The following NNAT variants were observed in gnomAD, a reference collection of about 807,000 sequenced individuals.
NNAT encodes neuronatin.
In NNAT, 8 loss-of-function variants were observed where a neutral mutation model predicts 12.7. The observed-to-expected ratio is 0.63, with a 90% confidence interval of 0.37 to 1.14. The LOEUF is 1.14. Ranked by LOEUF, NNAT falls within the 50% of genes most tolerant of loss-of-function variation. The probability of loss-of-function intolerance (pLI) is 0.01; values close to 1 mark genes in which losing one functional copy is unlikely to be tolerated. For synonymous variants in NNAT, 52 were observed against 48.5 expected, an observed-to-expected ratio of 1.07 and a Z score of -0.30; for missense variants, 94 against 108.3, an observed-to-expected ratio of 0.87 and a Z score of 0.59.
At position 37,522,449 on chromosome 20, in the gene NNAT, G is replaced by T. The variant is rs752215276; in HGVS notation, c.153+11G>T. ...ATTGCGAGAAGTGAGGTATACCTAA[G>T]TTGTGGGTCCAATCAGCTTGCCGCC... is the stretch of plus-strand genomic sequence containing the variant. On this transcript the variant is annotated intron_variant, in intron 2 of 2. Transcript: ENST00000649451. 40 of 1,612,046 alleles carry T rather than the reference G, an allele frequency of 2.5e-5. No individual in the cohort carries two copies. The highest frequency in any genetic ancestry group is 3.1e-5 in the Non-Finnish European group (37 of 1,178,738).
chr20:37,522,198 T>TAA (rs5841264), intron 1 of NNAT, among the ~76,000 whole-genome samples, 160 bp from the exon 2 acceptor site: 3,456 of 144,928 alleles, frequency 0.024, 126 homozygotes, highest in African/African-American at 0.078. Context: ...AAAATAATAA[T>TAA]AAAAAAAATA....
chr20:37,522,598 G>GGGGGGGGGGGGGGGGCCC, intron 2 of NNAT, 69 bp from the exon 3 acceptor site: 2 of 864,288 alleles, frequency 2.3e-6, no homozygotes, highest in African/African-American at 1.8e-5. Context: ...GCGGGGGTGG[G>GGGGGGGGGGGGGGGGCCC]CACGGCAGCA....
rs768932833 is a variant in NNAT at position 37,522,653 on chromosome 20, G to C, written c.154-14G>C. ...GCTCTCCACTAAGGGTGGGTCCTGGGTTTCTCGTCGCAGGTGTTCAGGTAC... is the reference window on the plus strand; with the variant it reads ...GCTCTCCACTAAGGGTGGGTCCTGGCTTTCTCGTCGCAGGTGTTCAGGTAC... On this transcript the variant is annotated splice_polypyrimidine_tract_variant and intron_variant, in intron 2 of 2. Transcript: ENST00000649451. The C allele has an allele frequency of 1.2e-6, 2 of 1,606,318 alleles. No individual in the cohort carries two copies. The highest frequency in any genetic ancestry group is 2.2e-5 in the East Asian group (1 of 44,466).
rs2071560805 is a variant in NNAT at position 37,521,340 on chromosome 20, A to G, written c.9A>G (p.Ala3=). 1.2e-6 allele frequency: 2 copies of G among 1,614,038 alleles called. No homozygotes were observed. Among genetic ancestry groups the G allele is most frequent in the African/African-American group, 1.3e-5 (1 of 75,046 alleles). The change falls in exon 1 of 3, where the codon GCA becomes GCG. Residue 3 remains alanine (A), a synonymous_variant. Coordinates refer to ENST00000649451, the MANE Select transcript of NNAT (RefSeq NM_005386.4). The surrounding 1 kb of genome is among the most constrained non-coding windows in gnomAD (Gnocchi z 4.5). Reference sequence around the variant, plus strand: ...CTACCATTCTTGGAACCATGGCGGCAGTGGCGGCGGCCTCGGCTGAACTGC... The same window carrying G: ...CTACCATTCTTGGAACCATGGCGGCGGTGGCGGCGGCCTCGGCTGAACTGC... The part of the protein sequence containing the change: MA[A]VAAASAELLI...
chr20:37,522,612 C>T, intron 2 of NNAT, 55 bp from the exon 3 acceptor site: 1 of 1,517,444 alleles, frequency 6.6e-7, no homozygotes. Flanking sequence ...GGCAGCACCA[C>T]AGACATGCTG....
At position 37,522,993 on chromosome 20, in the gene NNAT, C is replaced by A. The variant is rs1371110329; in HGVS notation, c.*234C>A. ...CACCGGTCCCACTAAGGGGCAGGGT[C>A]GAGAGAGGAGGGGGGATAGGGGGAG... On this transcript the variant is annotated 3_prime_UTR_variant, in exon 3 of 3. Coordinates refer to ENST00000649451, the MANE Select transcript of NNAT (RefSeq NM_005386.4). The A allele has an allele frequency of 4.2e-6, 2 of 472,168 alleles. No individual in the cohort carries two copies. Among genetic ancestry groups the A allele is most frequent in the African/African-American group, 4.0e-5 (2 of 50,204 alleles). The allele number at this position is 472,168 out of a possible 1,614,324, so 29.2% of individuals were successfully genotyped here. A position where few individuals can be genotyped will look rare whatever the true frequency, so the allele number is the denominator to read the frequency against.
At position 37,521,643 on chromosome 20, in the gene NNAT, G is replaced by C. The variant is rs1212914631; in HGVS notation, c.72+240G>C. On this transcript the variant is annotated intron_variant, in intron 1 of 2. Coordinates refer to ENST00000649451, the MANE Select transcript of NNAT (RefSeq NM_005386.4). This position sits in a 1 kb window ranked among gnomAD's most constrained non-coding sequence, Gnocchi z 4.5. ...AGGGAACAAAGACTCGGGGCGCGGC[G>C]GGCGACCGCTGCGGACGATCACCCA... The C allele has an allele frequency of 1.7e-5, 9 of 531,468 alleles. No homozygotes were observed. Among genetic ancestry groups the C allele is most frequent in the Non-Finnish European group, 3.0e-5 (9 of 296,362 alleles). 32.9% of individuals were successfully genotyped at this position (531,468 alleles called of 1,614,324 possible).
rs2071633461 is a variant in NNAT at position 37,522,780 on chromosome 20, G to A, written c.*21G>A. 1.9e-6 allele frequency: 3 copies of A among 1,573,160 alleles called. No individual in the cohort carries two copies. Among genetic ancestry groups the A allele is most frequent in the Non-Finnish European group, 2.6e-6 (3 of 1,160,232 alleles). On this transcript the variant is annotated 3_prime_UTR_variant, in exon 3 of 3. Transcript: ENST00000649451. ...ACTGAGGCCCCAGCTCCCAGCCCTG[G>A]GCGGCCGTATCATCAGGTGCTCCTG...
rs769777431 is a variant in NNAT at position 37,521,416 on chromosome 20, G to C, written c.72+13G>C. The C allele has an allele frequency of 3.1e-6, 5 of 1,613,936 alleles. No individual in the cohort carries two copies. The African/African-American group carries it at 4.0e-5, about 13-fold the overall frequency. On this transcript the variant is annotated intron_variant, in intron 1 of 2. Coordinates refer to ENST00000649451, the MANE Select transcript of NNAT (RefSeq NM_005386.4). This position sits in a 1 kb window ranked among gnomAD's most constrained non-coding sequence, Gnocchi z 4.5. ...CGTGCTGCTGCAGGTAAGTCTGACGGGGTTTCGGGTGGGAGAGGGTTCCCA... is the reference window on the plus strand; with the variant it reads ...CGTGCTGCTGCAGGTAAGTCTGACGCGGTTTCGGGTGGGAGAGGGTTCCCA...
chr20:37,522,136 T>C (rs1027933461), intron 1 of NNAT, among the ~76,000 whole-genome samples: 5 of 76,202 alleles, frequency 6.6e-5, no homozygotes, highest in Non-Finnish European at 1.1e-4. Flanking sequence ...GAGAGAAAAA[T>C]AGAAGGGGAA....
At position 37,522,381 on chromosome 20, in the gene NNAT, C is replaced by G; in HGVS notation, c.96C>G (p.Tyr32Ter). The G allele has an allele frequency of 6.2e-7, 1 of 1,613,928 alleles. No individual in the cohort carries two copies. The highest frequency in any genetic ancestry group is 2.2e-5 in the East Asian group (1 of 44,866). The change falls in exon 2 of 3, where the codon TAC becomes TAG. Residue 32 changes from tyrosine (Y) to a stop codon, truncating the protein, a stop_gained. Transcript: ENST00000649451. LOFTEE classifies it high-confidence loss of function. Reference sequence around the variant, plus strand: ...AGGTGTTCCTGGAATGCTGCATTTACTGGGTAGGATTCGCTTTTCGAAATC... The same window carrying G: ...AGGTGTTCCTGGAATGCTGCATTTAGTGGGTAGGATTCGCTTTTCGAAATC... ...LLQVFLECCI[Y>*]WVGFAFRNPP...
chr20:37,522,778 T>C lies in NNAT; in HGVS notation c.*19T>C, dbSNP rs771409546. ...CAACTGAGGCCCCAGCTCCCAGCCCTGGGCGGCCGTATCATCAGGTGCTCC... is the reference window on the plus strand; with the variant it reads ...CAACTGAGGCCCCAGCTCCCAGCCCCGGGCGGCCGTATCATCAGGTGCTCC... On this transcript the variant is annotated 3_prime_UTR_variant, in exon 3 of 3. Coordinates refer to ENST00000649451, the MANE Select transcript of NNAT (RefSeq NM_005386.4). The C allele has an allele frequency of 1.1e-4, 168 of 1,573,614 alleles. No individual in the cohort carries two copies. Among genetic ancestry groups the C allele is most frequent in the Non-Finnish European group, 1.3e-4 (151 of 1,160,512 alleles).
chr20:37,521,278 A>T lies in NNAT; in HGVS notation c.-54A>T. On this transcript the variant is annotated 5_prime_UTR_variant, in exon 1 of 3. Transcript: ENST00000649451. This position sits in a 1 kb window ranked among gnomAD's most constrained non-coding sequence, Gnocchi z 4.5. ...GCGCCCAACAGCGGACTCCGAGACCAGCGGATCTCGGCAAACCCTCTTTCT... is the reference window on the plus strand; with the variant it reads ...GCGCCCAACAGCGGACTCCGAGACCTGCGGATCTCGGCAAACCCTCTTTCT... 6.4e-7 allele frequency: 1 copy of T among 1,570,548 alleles called. No individual in the cohort carries two copies. The highest frequency in any genetic ancestry group is 1.3e-5 in the African/African-American group (1 of 74,148).
Position 37,521,285 on chromosome 20 carries a change from C to G in NNAT, c.-47C>G, listed in dbSNP as rs373447659. 1.3e-6 allele frequency: 2 copies of G among 1,598,130 alleles called. No individual in the cohort carries two copies. Among genetic ancestry groups the G allele is most frequent in the South Asian group, 1.1e-5 (1 of 90,722 alleles). On this transcript the variant is annotated 5_prime_UTR_variant, in exon 1 of 3. It adds an upstream start codon to the 5' untranslated region. Coordinates refer to ENST00000649451, the MANE Select transcript of NNAT (RefSeq NM_005386.4). The surrounding 1 kb of genome is among the most constrained non-coding windows in gnomAD (Gnocchi z 4.5). Reference sequence around the variant, plus strand: ...ACAGCGGACTCCGAGACCAGCGGATCTCGGCAAACCCTCTTTCTCGACCAC... The same window carrying G: ...ACAGCGGACTCCGAGACCAGCGGATGTCGGCAAACCCTCTTTCTCGACCAC...
At position 37,521,533 on chromosome 20, in the gene NNAT, T is replaced by A; in HGVS notation, c.72+130T>A. 1 of 939,712 alleles carries A rather than the reference T, an allele frequency of 1.1e-6. No individual in the cohort carries two copies. Among genetic ancestry groups the A allele is most frequent in the Non-Finnish European group, 1.7e-6 (1 of 601,218 alleles). The allele number at this position is 939,712 out of a possible 1,614,324, so 58.2% of individuals were successfully genotyped here. ...TTGCCGCGATCCTTGCCTGCCCAAG[T>A]GCCGCTGCCGGCACCGCGCGCCCCC... is the stretch of plus-strand genomic sequence containing the variant. On this transcript the variant is annotated intron_variant, in intron 1 of 2. Coordinates refer to ENST00000649451, the MANE Select transcript of NNAT (RefSeq NM_005386.4). This position sits in a 1 kb window ranked among gnomAD's most constrained non-coding sequence, Gnocchi z 4.5.
rs1033030588 is a variant in NNAT, at chr20:37,523,645, C to T, written c.*886C>T. ...AATAAAAAAAGTACCTCCCCTGTCT[C>T]GCACAGTGTCCCAGGACCCTGCGGT... On this transcript the variant is annotated 3_prime_UTR_variant, in exon 3 of 3. Transcript: ENST00000649451. 1 of 152,698 alleles carries T rather than the reference C, an allele frequency of 6.5e-6. No homozygotes were observed. The highest frequency in any genetic ancestry group is 1.9e-4 in the East Asian group (1 of 5,198). 9.5% of individuals were successfully genotyped at this position (152,698 alleles called of 1,614,324 possible). A position where few individuals can be genotyped will look rare whatever the true frequency, so the allele number is the denominator to read the frequency against.
In NNAT at chr20:37,522,369, A is replaced by G; in HGVS notation, c.84A>G (p.Glu28=). 1 of 1,613,934 alleles carries G rather than the reference A, an allele frequency of 6.2e-7. No individual in the cohort carries two copies. Among genetic ancestry groups the G allele is most frequent in the Non-Finnish European group, 8.5e-7 (1 of 1,179,920 alleles). ...ATATTTCCTTCAAGGTGTTCCTGGA[A>G]TGCTGCATTTACTGGGTAGGATTCG... ...IFRVLLQVFL[E]CCIYWVGFAF... The change falls in exon 2 of 3, where the codon GAA becomes GAG. Residue 28 remains glutamate (E), a synonymous_variant. Transcript: ENST00000649451.
In NNAT at chr20:37,521,687, C is replaced by CG; in HGVS notation, c.72+286dup. The CG allele has an allele frequency of 2.4e-6, 1 of 417,432 alleles. No homozygotes were observed. Among genetic ancestry groups the CG allele is most frequent in the South Asian group, 2.8e-5 (1 of 35,892 alleles). The allele number at this position is 417,432 out of a possible 1,614,324, so 25.9% of individuals were successfully genotyped here. On this transcript the variant is annotated intron_variant, in intron 1 of 2. Coordinates refer to ENST00000649451, the MANE Select transcript of NNAT (RefSeq NM_005386.4). This position sits in a 1 kb window ranked among gnomAD's most constrained non-coding sequence, Gnocchi z 4.5. ...TCACCCAGGCATTTAGCGACCTACG[C>CG]GGTAAGAAAAACCCGCTACACCCGG... is the stretch of plus-strand genomic sequence containing the variant.
At chr20:37,522,557 C>G (rs1049408855) in intron 2 of NNAT, 110 bp from the exon 3 acceptor site, 38 of 993,146 alleles carry the variant, frequency 3.8e-5, no homozygotes, top group Non-Finnish European at 4.8e-5. Context: ...CTCCAGCCTA[C>G]GCTGGATGGG....
Sources: gnomAD v4.1 joint callset for allele counts (sites outside exome capture counted in the v4.1 genomes callset) on GRCh38, gnomAD v4.1.1 for gene constraint, Gnocchi (gnomAD v3.1) non-coding constraint, MANE v1.5 for transcripts, NCBI Gene and HGNC (gene_info 2026-07-23, HGNC 2026-07-21) for gene names.